CSTF3: variants seen among roughly 807,000 people sequenced by gnomAD.
CSTF3 encodes the protein CF-1 77 kDa subunit.
In CSTF3, 29 loss-of-function variants were observed where a neutral mutation model predicts 105.8. The observed-to-expected ratio is 0.27, with a 90% CI of 0.20 to 0.37. The LOEUF (loss-of-function observed/expected upper bound fraction) is 0.37. CSTF3 is among the 10% of genes least tolerant of loss of function. The pLI, the probability that CSTF3 is intolerant of heterozygous loss-of-function variation, is 1.00. For missense variants in CSTF3, 357 were observed against 879.3 expected (o/e 0.41, Z 7.51); for synonymous variants, 252 against 281.9 (o/e 0.89, Z 1.06).
chr11:33,135,068 T>C (rs932199263), intron 3 of CSTF3, among the ~76,000 whole-genome samples: 4 of 152,198 alleles, frequency 2.6e-5, no homozygotes, highest in Non-Finnish European at 5.9e-5. Context: ...CCCGTAACAC[T>C]TGAAGTGTCC....
rs1855844792 is a variant in CSTF3, at chr11:33,150,405, A to C, written c.28-8419T>G. ...TCTGAAATAATAATCTATAATCCTA[A>C]TATCATTTTTCAGGCGATGTTAATG... On this transcript the variant is annotated intron_variant, in intron 1 of 20. Transcript: ENST00000323959. 2.6e-5 allele frequency among the ~76,000 whole-genome samples: 4 copies of C among 152,076 alleles called. No homozygotes were observed. In the South Asian group the frequency reaches 8.3e-4, roughly 32 times the overall value.
Position 33,142,729 on chromosome 11 carries a change from CAT to C in CSTF3, c.28-745_28-744del, listed in dbSNP as rs79788958. ...ATTGATTTACAAATAAAACTTTTTA[CAT>C]GTTTTTTCTTTATAAAAAATAACTT... is the stretch of plus-strand genomic sequence containing the variant. On this transcript the variant is annotated intron_variant, in intron 1 of 20. Coordinates refer to ENST00000323959, the MANE Select transcript of CSTF3 (RefSeq NM_001326.3). Among the ~76,000 whole-genome samples the C allele has an allele frequency of 3.0e-3, 456 of 152,208 alleles. 1 individual carries two copies. The highest frequency in any genetic ancestry group is 8.8e-3 in the African/African-American group (366 of 41,550).
At chr11:33,097,737 C>T (rs769355118) in intron 13 of CSTF3, among the ~76,000 whole-genome samples, 3 of 152,184 alleles carry the variant, frequency 2.0e-5, no homozygotes, top group South Asian at 2.1e-4. Flanking sequence ...TTCCGAACAA[C>T]ATATAATAGA....
intron 1 of CSTF3, chr11:33,144,877 G>A: frequency 4.0e-6 from 1 of 253,136 alleles, no homozygotes; most frequent in Admixed American, 5.0e-5. Flanking sequence ...TACTTGGGAA[G>A]CTGCGGTGGG....
chr11:33,117,565 C>T (rs1464632552), intron 3 of CSTF3, among the ~76,000 whole-genome samples: 3 of 151,894 alleles, frequency 2.0e-5, no homozygotes, highest in African/African-American at 7.2e-5. Flanking sequence ...CTATTCCCTA[C>T]TTAAAGATGA....
chr11:33,130,438 A>C (rs1461074028), intron 3 of CSTF3, among the ~76,000 whole-genome samples: 1 of 152,160 alleles, frequency 6.6e-6, no homozygotes, highest in Non-Finnish European at 1.5e-5. Context: ...GCGCCACTAC[A>C]CTCCAGCCTG....
At chr11:33,141,588 C>G in intron 3 of CSTF3, 79 bp downstream of exon 3, 2 of 1,490,150 alleles carry the variant, frequency 1.3e-6, no homozygotes, top group Non-Finnish European at 8.9e-7. Context: ...TCCTAATTGG[C>G]TATGTTCCTA....
intron 3 of CSTF3, among the ~76,000 whole-genome samples, chr11:33,140,498 C>A (rs1252009603): frequency 6.6e-6 from 1 of 151,996 alleles, no homozygotes; most frequent in Non-Finnish European, 1.5e-5. Flanking sequence ...TCCCTCCCCA[C>A]CAAGTAATAC....
intron 3 of CSTF3, among the ~76,000 whole-genome samples, chr11:33,114,201 AC>A (rs1449246125): frequency 6.6e-6 from 1 of 152,204 alleles, no homozygotes; most frequent in Admixed American, 6.5e-5. Context: ...TCTATTTTTA[AC>A]AGTTTAGACT....
At chr11:33,097,650 A>G (rs1385663869) in intron 13 of CSTF3, among the ~76,000 whole-genome samples, 1 of 152,192 alleles carries the variant, frequency 6.6e-6, no homozygotes, top group African/African-American at 2.4e-5. Context: ...TACAGGTGTG[A>G]GCTACCGCGC....
chr11:33,117,253 T>C (rs1185995220), intron 3 of CSTF3, among the ~76,000 whole-genome samples: 2 of 151,892 alleles, frequency 1.3e-5, no homozygotes, highest in African/African-American at 2.4e-5. Context: ...CCCAGAGTAC[T>C]TGACATAAGA....
intron 17 of CSTF3, among the ~76,000 whole-genome samples, chr11:33,089,991 A>C (rs1010315246): frequency 1.3e-5 from 2 of 152,204 alleles, no homozygotes; most frequent in Non-Finnish European, 2.9e-5. Context: ...GTCTGTATAG[A>C]AGAGTTCTAT....
rs1590294230 is a variant in CSTF3 at position 33,160,357 on chromosome 11, T to C, written c.27+942A>G. 2.0e-5 allele frequency among the ~76,000 whole-genome samples: 3 copies of C among 152,288 alleles called. No homozygotes were observed. The East Asian group carries it at 5.8e-4, about 29-fold the overall frequency. ...CAATAACATCTTCCACGTTATAAGCTAGGGAACCTGAAAAACGAAAACCTA... is the reference window on the plus strand; with the variant it reads ...CAATAACATCTTCCACGTTATAAGCCAGGGAACCTGAAAAACGAAAACCTA... On this transcript the variant is annotated intron_variant, in intron 1 of 20. Transcript: ENST00000323959.
At chr11:33,107,145 T>G (rs1855335084) in intron 5 of CSTF3, among the ~76,000 whole-genome samples, 1 of 151,390 alleles carries the variant, frequency 6.6e-6, no homozygotes, top group Non-Finnish European at 1.5e-5. Context: ...AGACCCCATC[T>G]CTACAAAAAA....
rs561515325 is a variant in CSTF3, at chr11:33,145,565, C to A, written c.28-3579G>T. The stretch of plus-strand genomic sequence containing the variant: ...TGGCTCATGCCTGTAATAATCCCAG[C>A]ACTTTGGGAGGCCAAAGCAGGCAGC... On this transcript the variant is annotated intron_variant, in intron 1 of 20. Transcript: ENST00000323959. Among the ~76,000 whole-genome samples the A allele has an allele frequency of 1.2e-4, 18 of 152,342 alleles. No homozygotes were observed. The East Asian group carries it at 2.9e-3, about 24-fold the overall frequency.
intron 3 of CSTF3, among the ~76,000 whole-genome samples, chr11:33,138,973 A>T (rs1437804619): frequency 6.6e-6 from 1 of 151,896 alleles, no homozygotes; most frequent in East Asian, 1.9e-4. Context: ...GCATGTGACA[A>T]ATTCAGAATG....
intron 1 of CSTF3, among the ~76,000 whole-genome samples, chr11:33,147,553 G>A (rs938354221): frequency 1.3e-5 from 2 of 151,836 alleles, no homozygotes; most frequent in South Asian, 2.1e-4. Context: ...CTCCAGCCTG[G>A]GCAACAGAGT....
intron 16 of CSTF3, 117 bp from the exon 17 acceptor site, chr11:33,090,844 T>A: frequency 1.7e-6 from 1 of 583,722 alleles, no homozygotes. Context: ...AAGTGACTTT[T>A]TATTATAAAG....
At chr11:33,105,802 A>G in intron 7 of CSTF3, 81 bp downstream of exon 7, 1 of 1,511,362 alleles carries the variant, frequency 6.6e-7, no homozygotes, top group Non-Finnish European at 9.0e-7. Context: ...GGAAAATAGT[A>G]TGGAGATTTC....
Sources: allele counts gnomAD v4.1 joint callset (sites outside exome capture counted in the v4.1 genomes callset), GRCh38; gene constraint gnomAD v4.1.1; transcripts MANE v1.5; gene names NCBI Gene and HGNC (gene_info 2026-07-23, HGNC 2026-07-21).